The following FGD4 variants were observed in gnomAD, a reference collection of about 807,000 sequenced individuals.
The protein encoded by FGD4 is FYVE, RhoGEF and PH domain-containing protein 4.
Under a neutral mutation model 102.0 loss-of-function variants are expected in FGD4, and 42 were observed. That is an observed-to-expected ratio of 0.41 (90% confidence interval 0.32 to 0.53). FGD4 has a LOEUF of 0.53. FGD4 is among the 20% of genes least tolerant of loss of function. The pLI, the probability that FGD4 is intolerant of heterozygous loss-of-function variation, is 0.21. For missense variants in FGD4, 902 were observed against 1,078.2 expected, an observed-to-expected ratio of 0.84 and a Z score of 2.29; for synonymous variants, 380 against 375.7, an observed-to-expected ratio of 1.01 and a Z score of -0.13.
At chr12:32,466,586 G>T (rs1021322539) in intron 1 of FGD4, among the ~76,000 whole-genome samples, 2 of 152,040 alleles carry the variant, frequency 1.3e-5, no homozygotes, top group East Asian at 1.9e-4. Flanking sequence ...TAGCAATCAT[G>T]GCCGGGCGCG....
chr12:32,440,106 T>C (rs980396468), intron 1 of FGD4, among the ~76,000 whole-genome samples: 1 of 152,264 alleles, frequency 6.6e-6, no homozygotes, highest in African/African-American at 2.4e-5. Flanking sequence ...GAATTCACTG[T>C]CTGAAAGGTC....
chr12:32,409,981 C>T lies in FGD4; in HGVS notation c.166+10022C>T, dbSNP rs578044457. On this transcript the variant is annotated intron_variant, in intron 1 of 16. Coordinates refer to ENST00000534526, the MANE Select transcript of FGD4 (RefSeq NM_001370298.3). Reference sequence around the variant, plus strand: ...AGGAGTTCAAAATCAGCCTGGGTAACGTAGTGAAACCTTGTCTTGTCTCTC... The same window carrying T: ...AGGAGTTCAAAATCAGCCTGGGTAATGTAGTGAAACCTTGTCTTGTCTCTC... Among the ~76,000 whole-genome samples the T allele has an allele frequency of 5.7e-5, 8 of 140,330 alleles. No individual in the cohort carries two copies. The South Asian group carries it at 6.7e-4, about 12-fold the overall frequency. The allele number at this position is 140,330 out of a possible 152,430, so 92.1% of individuals were successfully genotyped here. A position where few individuals can be genotyped will look rare whatever the true frequency, so the allele number is the denominator to read the frequency against.
intron 2 of FGD4, among the ~76,000 whole-genome samples, chr12:32,575,686 C>A (rs1196579374): frequency 6.6e-6 from 1 of 152,134 alleles, no homozygotes; most frequent in Non-Finnish European, 1.5e-5. Context: ...TAGTACCTAC[C>A]TGAGAGAACT....
intron 4 of FGD4, among the ~76,000 whole-genome samples, chr12:32,593,476 G>A (rs1483286159): frequency 6.6e-6 from 1 of 152,184 alleles, no homozygotes; most frequent in Admixed American, 6.5e-5. Flanking sequence ...GTAGAAGGTG[G>A]TCTGTGTGGA....
At chr12:32,604,901 T>TA (rs1156785635) in intron 7 of FGD4, among the ~76,000 whole-genome samples, 1 of 151,980 alleles carries the variant, frequency 6.6e-6, no homozygotes, top group Non-Finnish European at 1.5e-5. Flanking sequence ...AAAATGCAAA[T>TA]ATTGTTTTGT....
chr12:32,617,076 T>C (rs74695863), intron 10 of FGD4, among the ~76,000 whole-genome samples: 6,946 of 152,286 alleles, frequency 0.046, 340 homozygotes, highest in African/African-American at 0.12. Flanking sequence ...CATAGATTAT[T>C]GGGGTCTTCA....
intron 15 of FGD4, among the ~76,000 whole-genome samples, chr12:32,636,873 C>CTT (rs1423444464): frequency 5.1e-5 from 7 of 136,064 alleles, no homozygotes; most frequent in Admixed American, 1.5e-4. Context: ...TATTTTTTTT[C>CTT]TTTTTTTTTT....
chr12:32,599,349 C>A (rs1948164189), intron 5 of FGD4, among the ~76,000 whole-genome samples: 4 of 145,094 alleles, frequency 2.8e-5, no homozygotes, highest in Admixed American at 1.4e-4. Flanking sequence ...AAAAAATTAG[C>A]CGGGCGTGGT....
At chr12:32,507,690 G>A (rs992339788) in intron 1 of FGD4, among the ~76,000 whole-genome samples, 2 of 152,162 alleles carry the variant, frequency 1.3e-5, no homozygotes, top group Non-Finnish European at 2.9e-5. Flanking sequence ...GAGCAGACCT[G>A]GGGCTAGCCT....
At chr12:32,625,471 T>C (rs1950101736) in intron 13 of FGD4, among the ~76,000 whole-genome samples, 183 bp from the exon 14 acceptor site, 1 of 152,010 alleles carries the variant, frequency 6.6e-6, no homozygotes, top group African/African-American at 2.4e-5. Flanking sequence ...GGTTTCACCA[T>C]GTTGGCCAGA....
intron 11 of FGD4, among the ~76,000 whole-genome samples, chr12:32,622,411 A>C (rs1949898301): frequency 6.6e-6 from 1 of 152,166 alleles, no homozygotes; most frequent in Non-Finnish European, 1.5e-5. Context: ...GAATTTTCTT[A>C]AGTACAGGCA....
At chr12:32,484,565 A>T (rs1210584830) in intron 1 of FGD4, among the ~76,000 whole-genome samples, 2 of 152,228 alleles carry the variant, frequency 1.3e-5, no homozygotes, top group Non-Finnish European at 1.5e-5. Flanking sequence ...GTTATGTGAT[A>T]AATTAACTAA....
chr12:32,470,463 CTTTTTTTTTTTTT>C (rs551854980), intron 1 of FGD4, among the ~76,000 whole-genome samples: 1 of 130,842 alleles, frequency 7.6e-6, no homozygotes, highest in African/African-American at 2.8e-5. Flanking sequence ...TTTTCTTTTT[CTTTTTTTTTTTTT>C]TTTTTGAGTT....
intron 2 of FGD4, among the ~76,000 whole-genome samples, chr12:32,564,786 G>C (rs1352061827): frequency 6.6e-6 from 1 of 152,218 alleles, no homozygotes. Context: ...CTTCATTCAG[G>C]ATTGAGTGGC....
chr12:32,406,030 G>A (rs1028488058), intron 1 of FGD4, among the ~76,000 whole-genome samples: 3 of 151,910 alleles, frequency 2.0e-5, no homozygotes, highest in Non-Finnish European at 2.9e-5. Flanking sequence ...TGCAACCTCC[G>A]CCTCCTGGGT....
rs1194332942 is a variant in FGD4 at position 32,421,865 on chromosome 12, G to C, written c.166+21906G>C. Among the ~76,000 whole-genome samples the C allele has an allele frequency of 3.9e-5, 6 of 152,208 alleles. No homozygotes were observed. The East Asian group carries it at 1.2e-3, about 29-fold the overall frequency. Reference sequence around the variant, plus strand: ...AGAAAAAGATGAGACTATAGGCCGGGCGCAGTGGCTCACGTCTATAATCCC... The same window carrying C: ...AGAAAAAGATGAGACTATAGGCCGGCCGCAGTGGCTCACGTCTATAATCCC... On this transcript the variant is annotated intron_variant, in intron 1 of 16. Transcript: ENST00000534526.
At chr12:32,420,524 A>G (rs1941590580) in intron 1 of FGD4, among the ~76,000 whole-genome samples, 1 of 152,134 alleles carries the variant, frequency 6.6e-6, no homozygotes, top group Admixed American at 6.6e-5. Context: ...ATTTCAACAC[A>G]GACCCACACA....
chr12:32,524,265 G>A (rs1279881251), intron 1 of FGD4, among the ~76,000 whole-genome samples: 5 of 150,194 alleles, frequency 3.3e-5, no homozygotes, highest in African/African-American at 1.2e-4. Flanking sequence ...GCGTGGTGGC[G>A]TCAGTCCGTA....
intron 10 of FGD4, among the ~76,000 whole-genome samples, chr12:32,612,630 A>G (rs967155178): frequency 6.6e-6 from 1 of 152,196 alleles, no homozygotes; most frequent in African/African-American, 2.4e-5. Context: ...TTTCATTCTC[A>G]GGTAATTGGG....
Sources: allele counts gnomAD v4.1 joint callset (sites outside exome capture counted in the v4.1 genomes callset), GRCh38; gene constraint gnomAD v4.1.1; transcripts MANE v1.5; gene names NCBI Gene and HGNC (gene_info 2026-07-23, HGNC 2026-07-21).